Variants in CSMD1 observed in about 807,000 individuals in gnomAD.
The protein encoded by CSMD1 is CUB and sushi domain-containing protein 1.
Under a neutral mutation model 417.5 loss-of-function variants are expected in CSMD1, and 213 were observed. The ratio of observed to expected loss-of-function variants is 0.51; its 90% CI spans 0.46 to 0.57. The LOEUF is 0.57. Ranked by LOEUF, CSMD1 falls within the 20% of genes least tolerant of loss-of-function variation. The pLI, the probability that CSMD1 is intolerant of heterozygous loss-of-function variation, is 0.00. For synonymous variants in CSMD1, 2,862 were observed against 1,736.8 expected (o/e 1.65, Z -16.11); for missense variants, 6,923 against 4,529.7 (o/e 1.53, Z -15.17).
intron 4 of CSMD1, among the ~76,000 whole-genome samples, chr8:4,023,123 G>A (rs773536301): frequency 1.3e-5 from 2 of 152,134 alleles, no homozygotes; most frequent in Non-Finnish European, 2.9e-5. Context: ...TACAGGAGAT[G>A]CACTCTAATG....
rs141139366 is a variant in CSMD1 at position 4,676,862 on chromosome 8, G to C, written c.86-39304C>G. On this transcript the variant is annotated intron_variant, in intron 1 of 69. Coordinates refer to ENST00000635120, the MANE Select transcript of CSMD1 (RefSeq NM_033225.6). ...TCCTGGAATTTTATATATTGAGAGA[G>C]AGATATACATATTTTATATATAGAG... 1.5e-3 allele frequency among the ~76,000 whole-genome samples: 225 copies of C among 150,400 alleles called. 1 individual carries two copies. Among genetic ancestry groups the C allele is most frequent in the African/African-American group, 5.3e-3 (217 of 40,990 alleles).
intron 18 of CSMD1, among the ~76,000 whole-genome samples, chr8:3,377,254 T>C (rs1016652513): frequency 2.0e-5 from 3 of 152,154 alleles, no homozygotes; most frequent in African/African-American, 7.2e-5. Flanking sequence ...CTCAGCAATC[T>C]ATCTACCTCA....
At chr8:3,597,087 G>T (rs1801130232) in intron 8 of CSMD1, among the ~76,000 whole-genome samples, 1 of 152,256 alleles carries the variant, frequency 6.6e-6, no homozygotes, top group African/African-American at 2.4e-5. Flanking sequence ...TCACCCAAAC[G>T]CTGGCTGCAC....
chr8:4,101,966 T>C (rs1309590424), intron 3 of CSMD1, among the ~76,000 whole-genome samples: 2 of 152,178 alleles, frequency 1.3e-5, no homozygotes, highest in Admixed American at 1.3e-4. Context: ...AGGAGGACTC[T>C]TGAATCCCAT....
intron 40 of CSMD1, among the ~76,000 whole-genome samples, chr8:3,150,808 A>G (rs577097343): frequency 4.7e-4 from 71 of 152,278 alleles, no homozygotes; most frequent in African/African-American, 1.7e-3. Flanking sequence ...AAGACCATGC[A>G]TTTCTGAAGA....
chr8:3,347,949 G>A (rs1224135404), intron 22 of CSMD1, 43 bp downstream of exon 22: 2 of 1,413,932 alleles, frequency 1.4e-6, no homozygotes, highest in African/African-American at 1.5e-5. Context: ...TATTTTTTGA[G>A]AAGAAAACTT....
chr8:3,138,095 G>A (rs1312480136), intron 41 of CSMD1, among the ~76,000 whole-genome samples: 6 of 152,058 alleles, frequency 3.9e-5, no homozygotes, highest in Admixed American at 2.0e-4. Context: ...GCATGGTGGC[G>A]GGTGCCTGTA....
intron 3 of CSMD1, among the ~76,000 whole-genome samples, chr8:4,372,764 T>C (rs767125896): frequency 2.0e-5 from 3 of 151,596 alleles, no homozygotes; most frequent in South Asian, 2.1e-4. Flanking sequence ...AAAAGTAGCA[T>C]TGGATAACCC....
chr8:4,867,578 G>A (rs901731519), intron 1 of CSMD1, among the ~76,000 whole-genome samples: 1 of 151,938 alleles, frequency 6.6e-6, no homozygotes. Context: ...CCATAATTTC[G>A]CTTTTTTCAT....
intron 10 of CSMD1, among the ~76,000 whole-genome samples, chr8:3,557,630 G>A (rs1031545989): frequency 6.6e-6 from 1 of 152,112 alleles, no homozygotes; most frequent in African/African-American, 2.4e-5. Flanking sequence ...CTGCTTTGAG[G>A]CCCTATCTCC....
At chr8:3,166,439 C>T (rs1371007275) in intron 37 of CSMD1, among the ~76,000 whole-genome samples, 1 of 152,078 alleles carries the variant, frequency 6.6e-6, no homozygotes, top group East Asian at 1.9e-4. Flanking sequence ...GAGGCTGAGG[C>T]AGGAGAATCG....
At chr8:2,950,374 T>C in intron 66 of CSMD1, 31 bp from the exon 67 acceptor site, 1 of 1,347,520 alleles carries the variant, frequency 7.4e-7, no homozygotes, top group Non-Finnish European at 1.1e-6. Context: ...TAGGCTTACC[T>C]TGGAGAAAGT....
Position 4,603,918 on chromosome 8 carries a change from T to C in CSMD1, c.302+33424A>G, listed in dbSNP as rs1008160030. 4.6e-5 allele frequency among the ~76,000 whole-genome samples: 7 copies of C among 152,264 alleles called. No individual in the cohort carries two copies. In the South Asian group the frequency reaches 1.5e-3, roughly 32 times the overall value. ...GTATTACTCTGGGGGATTTGGGATATGATTGTATTTGTAAATGATCACTAA... is the reference window on the plus strand; with the variant it reads ...GTATTACTCTGGGGGATTTGGGATACGATTGTATTTGTAAATGATCACTAA... On this transcript the variant is annotated intron_variant, in intron 2 of 69. Transcript: ENST00000635120.
At chr8:3,499,238 T>C (rs532406873) in intron 10 of CSMD1, among the ~76,000 whole-genome samples, 11 of 152,352 alleles carry the variant, frequency 7.2e-5, no homozygotes, top group Admixed American at 3.9e-4. Flanking sequence ...GCAGTCTTCA[T>C]GATATTTATT....
At chr8:3,252,584 G>C (rs1231353732) in intron 26 of CSMD1, among the ~76,000 whole-genome samples, 3 of 152,170 alleles carry the variant, frequency 2.0e-5, no homozygotes, top group Non-Finnish European at 4.4e-5. Context: ...CATAAAATGA[G>C]TTAGGGAGGA....
intron 3 of CSMD1, among the ~76,000 whole-genome samples, chr8:4,398,525 G>C (rs371528700): frequency 1.5e-4 from 22 of 151,410 alleles, no homozygotes; most frequent in South Asian, 2.1e-4. Context: ...TCCCGAGTAG[G>C]TGGGACTACA....
At chr8:4,638,394 G>A (rs1170586867) in intron 1 of CSMD1, among the ~76,000 whole-genome samples, 2 of 152,152 alleles carry the variant, frequency 1.3e-5, no homozygotes, top group Non-Finnish European at 2.9e-5. Flanking sequence ...GTCTTACTGG[G>A]CAGAAGAATA....
intron 3 of CSMD1, among the ~76,000 whole-genome samples, chr8:4,302,087 T>C (rs1056663590): frequency 2.6e-5 from 4 of 152,186 alleles, no homozygotes; most frequent in African/African-American, 9.6e-5. Flanking sequence ...GAAGACCCCT[T>C]GTATAGTTCA....
intron 7 of CSMD1, among the ~76,000 whole-genome samples, chr8:3,630,544 G>A (rs1563214769): frequency 6.6e-6 from 1 of 152,310 alleles, no homozygotes; most frequent in Admixed American, 6.5e-5. Flanking sequence ...ACAGACCCAG[G>A]CAAAGCCAAT....
Sources: gnomAD v4.1 joint callset for allele counts (sites outside exome capture counted in the v4.1 genomes callset) on GRCh38, gnomAD v4.1.1 for gene constraint, MANE v1.5 for transcripts, NCBI Gene and HGNC (gene_info 2026-07-23, HGNC 2026-07-21) for gene names.